The following PTGER3 variants were observed in gnomAD, a reference collection of about 807,000 sequenced individuals.
PTGER3 encodes the protein prostaglandin E2 receptor EP3 subtype.
In PTGER3, 22 loss-of-function variants were observed where a neutral mutation model predicts 34.7. That is an observed-to-expected ratio of 0.63 (90% CI 0.45 to 0.91). The LOEUF is 0.91. PTGER3 is among the 40% of genes least tolerant of loss of function. The pLI, the probability that PTGER3 is intolerant of heterozygous loss-of-function variation, is 0.00. For missense variants in PTGER3, 468 were observed against 519.4 expected, an observed-to-expected ratio of 0.90 and a Z score of 0.96; for synonymous variants, 241 against 230.1, an observed-to-expected ratio of 1.05 and a Z score of -0.43.
chr1:70,863,192 A>G (rs187541930), intron 4 of PTGER3, among the ~76,000 whole-genome samples: 4 of 152,158 alleles, frequency 2.6e-5, no homozygotes, highest in African/African-American at 7.2e-5. Flanking sequence ...GCTGGAACAA[A>G]TGCTCTCCCA....
At chr1:70,880,805 G>A (rs1646376010) in intron 4 of PTGER3, among the ~76,000 whole-genome samples, 2 of 151,794 alleles carry the variant, frequency 1.3e-5, no homozygotes, top group Admixed American at 1.3e-4. Flanking sequence ...CTTTGTAGGT[G>A]ACCTTCCCCT....
In PTGER3 at chr1:70,873,964, A is replaced by T. The variant is rs533618814; in HGVS notation, c.*24-21105T>A. Among the ~76,000 whole-genome samples the T allele has an allele frequency of 5.9e-5, 9 of 152,200 alleles. No individual in the cohort carries two copies. In the East Asian group the frequency reaches 1.7e-3, roughly 29 times the overall value. ...GGTCTCTTGTTTGGTCTCTTCTTAA[A>T]ATTTTAACCTTTCTGTTTTGAAAAC... On this transcript the variant is annotated intron_variant, in intron 4 of 4. Transcript: ENST00000370931.
intron 4 of PTGER3, among the ~76,000 whole-genome samples, chr1:70,931,341 T>C (rs967574629): frequency 6.6e-6 from 1 of 152,174 alleles, no homozygotes; most frequent in East Asian, 1.9e-4. Flanking sequence ...CAGTCCAAGC[T>C]GTCAGTGGCT....
At position 71,001,979 on chromosome 1, in the gene PTGER3, G is replaced by C. The variant is rs560069670; in HGVS notation, c.1077+10326C>G. Among the ~76,000 whole-genome samples the C allele has an allele frequency of 3.3e-5, 5 of 152,202 alleles. No homozygotes were observed. The East Asian group carries it at 9.7e-4, about 29-fold the overall frequency. On this transcript the variant is annotated intron_variant, in intron 2 of 3. Transcript: ENST00000306666. ...ATAGCACTTTCAAGTGTCTTTACTGGGTGCAAAGCCTCATACCTGTAATCC... is the reference window on the plus strand; with the variant it reads ...ATAGCACTTTCAAGTGTCTTTACTGCGTGCAAAGCCTCATACCTGTAATCC...
chr1:70,999,035 C>T (rs957548192), intron 2 of PTGER3, among the ~76,000 whole-genome samples: 1 of 152,074 alleles, frequency 6.6e-6, no homozygotes, highest in African/African-American at 2.4e-5. Context: ...AAAAAATTAG[C>T]CGGGCGTGGT....
intron 2 of PTGER3, among the ~76,000 whole-genome samples, chr1:70,985,805 G>A (rs768787635): frequency 1.2e-4 from 18 of 152,080 alleles, no homozygotes; most frequent in Admixed American, 4.6e-4. Context: ...TTTTAATGAC[G>A]GTCTCAGGCA....
intron 4 of PTGER3, among the ~76,000 whole-genome samples, chr1:70,853,755 G>C (rs1348701258): frequency 6.6e-6 from 1 of 152,154 alleles, no homozygotes; most frequent in Non-Finnish European, 1.5e-5. Flanking sequence ...TAAACGGTGT[G>C]GTACTGACAT....
chr1:70,906,635 T>A (rs1039390431), intron 4 of PTGER3, among the ~76,000 whole-genome samples: 22 of 152,306 alleles, frequency 1.4e-4, no homozygotes, highest in African/African-American at 4.8e-4. Context: ...AAAATAGGAA[T>A]AATAATACTT....
At chr1:71,007,221 A>G in intron 2 of PTGER3, 5 of 985,528 alleles carry the variant, frequency 5.1e-6, no homozygotes, top group Non-Finnish European at 6.0e-6. Flanking sequence ...CCTCCTAGGC[A>G]CACCATGTAA....
rs536938845 is a variant in PTGER3 at position 70,912,109 on chromosome 1, C to T, written c.*23+41654G>A. On this transcript the variant is annotated intron_variant, in intron 4 of 4. Coordinates refer to the PTGER3 transcript ENST00000370931. ...CTGCATGGCCATGGATCAAAGAACT[C>T]GAAGTTATGGTAACTCGGTGTTCTT... Among the ~76,000 whole-genome samples the T allele has an allele frequency of 3.9e-5, 6 of 152,166 alleles. No individual in the cohort carries two copies. In the South Asian group the frequency reaches 1.0e-3, roughly 26 times the overall value.
chr1:70,890,087 G>A (rs982779165), intron 4 of PTGER3, among the ~76,000 whole-genome samples: 2 of 152,070 alleles, frequency 1.3e-5, no homozygotes, highest in Admixed American at 6.5e-5. Flanking sequence ...CAATGATTAC[G>A]GCTTAGTCTT....
At chr1:70,996,551 C>T (rs1655960546) in intron 2 of PTGER3, among the ~76,000 whole-genome samples, 1 of 151,986 alleles carries the variant, frequency 6.6e-6, no homozygotes. Context: ...AGCTCCGCCT[C>T]GTGGGTTCAT....
intron 4 of PTGER3, among the ~76,000 whole-genome samples, chr1:70,902,311 A>G (rs1331724538): frequency 6.6e-6 from 1 of 152,150 alleles, no homozygotes; most frequent in African/African-American, 2.4e-5. Context: ...CTGAGGGAGG[A>G]GGTTGTCAGG....
At chr1:70,964,625 C>T (rs1652315511) in intron 2 of PTGER3, among the ~76,000 whole-genome samples, 2 of 152,162 alleles carry the variant, frequency 1.3e-5, no homozygotes, top group African/African-American at 2.4e-5. Context: ...CAGTGGGTCC[C>T]TCCCATGACA....
At chr1:70,945,113 A>G (rs1014102231) in intron 4 of PTGER3, among the ~76,000 whole-genome samples, 3 of 152,112 alleles carry the variant, frequency 2.0e-5, no homozygotes, top group Non-Finnish European at 4.4e-5. Context: ...GGCTTGATTG[A>G]CTTCAAAATC....
At chr1:70,871,796 TA>T (rs987488933) in intron 4 of PTGER3, among the ~76,000 whole-genome samples, 6 of 152,210 alleles carry the variant, frequency 3.9e-5, no homozygotes, top group Non-Finnish European at 1.5e-5. Flanking sequence ...AATTTTTTTT[TA>T]ATCTTAGGGC....
At chr1:70,862,963 C>A (rs1383534429) in intron 4 of PTGER3, among the ~76,000 whole-genome samples, 1 of 152,042 alleles carries the variant, frequency 6.6e-6, no homozygotes, top group African/African-American at 2.4e-5. Flanking sequence ...GCTTGAGCTC[C>A]AGGCAAGGCA....
intron 2 of PTGER3, among the ~76,000 whole-genome samples, chr1:71,002,785 T>C (rs1018972869): frequency 2.0e-5 from 3 of 152,214 alleles, no homozygotes; most frequent in African/African-American, 7.2e-5. Context: ...GCAAAAAATT[T>C]AAATGGTCAA....
intron 2 of PTGER3, among the ~76,000 whole-genome samples, chr1:70,979,401 G>A (rs576885000): frequency 4.6e-5 from 7 of 151,078 alleles, no homozygotes; most frequent in East Asian, 2.1e-4. Flanking sequence ...TTATTTAGCT[G>A]TAAAAAGATT....
Sources: allele counts gnomAD v4.1 joint callset (sites outside exome capture counted in the v4.1 genomes callset), GRCh38; gene constraint gnomAD v4.1.1; transcripts MANE v1.5; gene names NCBI Gene and HGNC (gene_info 2026-07-23, HGNC 2026-07-21).